GRM8: variants seen among roughly 807,000 people sequenced by gnomAD.
GRM8 encodes glutamate metabotropic receptor 8, also known as metabotropic glutamate receptor 8.
Under a neutral mutation model 87.2 loss-of-function variants are expected in GRM8, and 47 were observed. The ratio of observed to expected loss-of-function variants is 0.54; its 90% CI spans 0.43 to 0.69. The LOEUF (loss-of-function observed/expected upper bound fraction) is 0.69. Among genes scored for constraint, GRM8 ranks in the 30% least tolerant of loss-of-function variants. GRM8 has a pLI of 0.00. For missense variants in GRM8, 1,019 were observed against 1,139.2 expected (o/e 0.89, Z 1.52); for synonymous variants, 396 against 404.5 (o/e 0.98, Z 0.25).
At position 126,743,315 on chromosome 7, in the gene GRM8, C is replaced by A. The variant is rs140950915; in HGVS notation, c.1357+26550G>T. ...TATAATGCAGATCCAGTAAAATCCC[C>A]ACCACTCATTTTTAAATATTTGAAG... On this transcript the variant is annotated intron_variant, in intron 7 of 10. Transcript: ENST00000339582. Among the ~76,000 whole-genome samples the A allele has an allele frequency of 7.9e-5, 12 of 152,170 alleles. No homozygotes were observed. In the East Asian group the frequency reaches 1.2e-3, roughly 15 times the overall value.
intron 3 of GRM8, among the ~76,000 whole-genome samples, chr7:127,106,045 T>G (rs1032761074): frequency 6.6e-6 from 1 of 152,258 alleles, no homozygotes; most frequent in Admixed American, 6.5e-5. Flanking sequence ...TGCTTAAGTA[T>G]AGCCTTGAGG....
At chr7:127,022,211 A>G (rs555094361) in intron 3 of GRM8, among the ~76,000 whole-genome samples, 1 of 151,640 alleles carries the variant, frequency 6.6e-6, no homozygotes, top group East Asian at 1.9e-4. Flanking sequence ...ATGGCAGCAC[A>G]GGTCACTGTG....
intron 6 of GRM8, among the ~76,000 whole-genome samples, chr7:126,856,321 T>TA (rs2130774719): frequency 6.6e-6 from 1 of 152,252 alleles, no homozygotes; most frequent in East Asian, 1.9e-4. Flanking sequence ...GCTTATAAAT[T>TA]AAAAAATCAA....
In GRM8 at chr7:127,106,481, TA is replaced by T; in HGVS notation, c.727+14del. Reference sequence around the variant, plus strand: ...GTCACCTCCAAATACAATCATCTGATAAATATATGCTTACCAATCTCCCTCG... The same window carrying T: ...GTCACCTCCAAATACAATCATCTGATAATATATGCTTACCAATCTCCCTCG... On this transcript the variant is annotated intron_variant, in intron 3 of 10. Transcript: ENST00000339582. 4 of 1,597,740 alleles carry T rather than the reference TA, an allele frequency of 2.5e-6. No homozygotes were observed. The highest frequency in any genetic ancestry group is 2.2e-5 in the East Asian group (1 of 44,808).
chr7:127,097,017 A>G (rs11563303), intron 3 of GRM8, among the ~76,000 whole-genome samples: 1 of 152,184 alleles, frequency 6.6e-6, no homozygotes, highest in African/African-American at 2.4e-5. Context: ...GAATCTGGTG[A>G]CAATGGTCAT....
At chr7:126,625,645 T>G (rs1800599547) in intron 7 of GRM8, among the ~76,000 whole-genome samples, 1 of 152,170 alleles carries the variant, frequency 6.6e-6, no homozygotes, top group South Asian at 2.1e-4. Flanking sequence ...GACCCTATAA[T>G]TGCATTTATA....
chr7:127,026,160 C>T (rs980219162), intron 3 of GRM8, among the ~76,000 whole-genome samples: 1 of 152,076 alleles, frequency 6.6e-6, no homozygotes, highest in Non-Finnish European at 1.5e-5. Flanking sequence ...CATCCATGTC[C>T]GTGCAAAGGA....
intron 8 of GRM8, among the ~76,000 whole-genome samples, chr7:126,603,133 A>G (rs562097583): frequency 0.01 from 1,526 of 146,146 alleles, 19 homozygotes; most frequent in African/African-American, 0.036. Flanking sequence ...AAAGACAAAA[A>G]CCACATGATT....
At chr7:126,676,952 T>A (rs1807023433) in intron 7 of GRM8, among the ~76,000 whole-genome samples, 1 of 152,152 alleles carries the variant, frequency 6.6e-6, no homozygotes, top group South Asian at 2.1e-4. Flanking sequence ...AGAAAATATT[T>A]GCAAACTATA....
chr7:126,744,098 T>C (rs1296288722), intron 7 of GRM8, among the ~76,000 whole-genome samples: 5 of 151,890 alleles, frequency 3.3e-5, no homozygotes, highest in African/African-American at 1.2e-4. Context: ...ATTAAAACCT[T>C]GATGTGTGAG....
At chr7:127,044,238 C>A (rs1466074817) in intron 3 of GRM8, among the ~76,000 whole-genome samples, 2 of 152,150 alleles carry the variant, frequency 1.3e-5, no homozygotes, top group South Asian at 4.1e-4. Flanking sequence ...TGGGCACAGA[C>A]ACACACCCTC....
rs536092620 is a variant in GRM8, at chr7:126,805,192, A to AT, written c.1157-35128dup. Among the ~76,000 whole-genome samples the AT allele has an allele frequency of 3.9e-5, 6 of 152,138 alleles. No individual in the cohort carries two copies. The South Asian group carries it at 8.3e-4, about 21-fold the overall frequency. On this transcript the variant is annotated intron_variant, in intron 6 of 10. Transcript: ENST00000339582. ...CTTCTTAATGACTGTCAGCTTCCCT[A>AT]TTTTTTGTCTCCACTCTGCTTTCAA...
intron 3 of GRM8, among the ~76,000 whole-genome samples, chr7:126,924,666 A>G (rs1804900774): frequency 1.3e-5 from 2 of 151,976 alleles, no homozygotes. Context: ...CTTTATAGAA[A>G]AAGACACTAA....
At chr7:126,479,534 T>C (rs1806408908) in intron 9 of GRM8, among the ~76,000 whole-genome samples, 1 of 152,142 alleles carries the variant, frequency 6.6e-6, no homozygotes, top group Non-Finnish European at 1.5e-5. Context: ...TTTATCCATT[T>C]CATAGCATGT....
In GRM8 at chr7:127,252,833, CG is replaced by C. The variant is rs1485267367; in HGVS notation, c.-349del. 2.9e-5 allele frequency: 6 copies of C among 208,188 alleles called. No homozygotes were observed. The highest frequency in any genetic ancestry group is 5.5e-5 in the Non-Finnish European group (6 of 108,208). 12.9% of individuals were successfully genotyped at this position (208,188 alleles called of 1,614,324 possible). A position where few individuals can be genotyped will look rare whatever the true frequency, so the allele number is the denominator to read the frequency against. The stretch of plus-strand genomic sequence containing the variant: ...CAGAGGGCGCGGTGAGGAAGCCCGC[CG>C]GGGGCCCGCAGCTCCATGTCAGCGC... On this transcript the variant is annotated 5_prime_UTR_variant, in exon 1 of 11. The change creates a premature stop within an existing upstream ORF in the 5' untranslated region. Transcript: ENST00000339582. This position sits in a 1 kb window ranked among gnomAD's most constrained non-coding sequence, Gnocchi z 4.9.
At chr7:127,084,559 G>A (rs1004097456) in intron 3 of GRM8, 8 of 152,086 alleles carry the variant, frequency 5.3e-5, no homozygotes, top group Non-Finnish European at 1.0e-4. Context: ...GACAACATGG[G>A]GGACATGAGG....
At chr7:127,220,637 A>G (rs905625099) in intron 2 of GRM8, among the ~76,000 whole-genome samples, 1 of 151,966 alleles carries the variant, frequency 6.6e-6, no homozygotes. Flanking sequence ...GGTGCATGCC[A>G]CCATGTCCAG....
At chr7:126,742,370 G>A (rs1032378285) in intron 7 of GRM8, among the ~76,000 whole-genome samples, 1 of 152,054 alleles carries the variant, frequency 6.6e-6, no homozygotes, top group African/African-American at 2.4e-5. Context: ...CAAGGGAAAA[G>A]GCAGCTTGAA....
At chr7:126,617,778 T>C (rs1415063505) in intron 7 of GRM8, among the ~76,000 whole-genome samples, 2 of 152,120 alleles carry the variant, frequency 1.3e-5, no homozygotes, top group African/African-American at 4.8e-5. Flanking sequence ...CCATTTACAA[T>C]TGCTTCAAAG....
Sources: allele counts gnomAD v4.1 joint callset (sites outside exome capture counted in the v4.1 genomes callset), GRCh38; gene constraint gnomAD v4.1.1; non-coding constraint Gnocchi (gnomAD v3.1); transcripts MANE v1.5; gene names NCBI Gene and HGNC (gene_info 2026-07-23, HGNC 2026-07-21).